The following MYLK variants were observed in gnomAD, a reference collection of about 807,000 sequenced individuals.
MYLK encodes the protein myosin light chain kinase.
MYLK carries 106 observed loss-of-function variants against 203.4 expected under a neutral mutation model. The observed-to-expected ratio is 0.52, with a 90% CI of 0.45 to 0.61. The LOEUF is 0.61. Ranked by LOEUF, MYLK falls within the 20% of genes least tolerant of loss-of-function variation. The pLI is 0.00. For missense variants in MYLK, 2,072 were observed against 2,442.3 expected (o/e 0.85, Z 3.20); for synonymous variants, 867 against 959.5 (o/e 0.90, Z 1.78).
intron 2 of MYLK, among the ~76,000 whole-genome samples, chr3:123,842,653 GTTCAT>G (rs746118934): frequency 3.4e-4 from 52 of 152,258 alleles, no homozygotes; most frequent in South Asian, 8.3e-4. Flanking sequence ...CAACTTGTCT[GTTCAT>G]TTCCTCTGCC....
At chr3:123,744,010 G>A (rs915539773) in intron 5 of MYLK, among the ~76,000 whole-genome samples, 8 of 152,138 alleles carry the variant, frequency 5.3e-5, no homozygotes, top group Non-Finnish European at 1.2e-4. Flanking sequence ...ACTTCAAAGT[G>A]TTTTTTGAGG....
At chr3:123,618,013 A>G (rs1486864804) in intron 33 of MYLK, 1 of 153,946 alleles carries the variant, frequency 6.5e-6, no homozygotes, top group Non-Finnish European at 1.4e-5. Flanking sequence ...GTCACAATGC[A>G]TGCACTCTCT....
intron 3 of MYLK, among the ~76,000 whole-genome samples, chr3:123,826,040 GC>G (rs1387842845): frequency 6.6e-6 from 1 of 152,140 alleles, no homozygotes; most frequent in African/African-American, 2.4e-5. Flanking sequence ...TCCCTGGCCT[GC>G]CTAGTGGCCC....
At chr3:123,747,774 T>C (rs1170329204) in intron 5 of MYLK, among the ~76,000 whole-genome samples, 1 of 152,206 alleles carries the variant, frequency 6.6e-6, no homozygotes, top group Non-Finnish European at 1.5e-5. Flanking sequence ...CTCTGGGGGC[T>C]GCCAGTTTGG....
At chr3:123,711,822 C>A (rs1430452835) in intron 13 of MYLK, among the ~76,000 whole-genome samples, 1 of 152,194 alleles carries the variant, frequency 6.6e-6, no homozygotes, top group Non-Finnish European at 1.5e-5. Context: ...AATACTAGAC[C>A]TTCTTCAGGA....
intron 18 of MYLK, among the ~76,000 whole-genome samples, chr3:123,693,151 C>T (rs528083531): frequency 5.9e-5 from 9 of 152,308 alleles, no homozygotes; most frequent in Admixed American, 3.9e-4. Flanking sequence ...ATAGCCTCTG[C>T]CTTTGGAGAC....
chr3:123,664,307 A>G, intron 22 of MYLK, 49 bp from the exon 23 acceptor site: 1 of 1,613,006 alleles, frequency 6.2e-7, no homozygotes, highest in Non-Finnish European at 8.5e-7. Flanking sequence ...CCCCTGGGCT[A>G]GGAAAGGAAG....
chr3:123,727,155 A>G (rs1418802939), intron 11 of MYLK, among the ~76,000 whole-genome samples: 2 of 152,224 alleles, frequency 1.3e-5, no homozygotes, highest in Non-Finnish European at 2.9e-5. Context: ...TTTTACAGCC[A>G]GCTCTGACTG....
chr3:123,668,572 T>A (rs2059813693), intron 20 of MYLK, among the ~76,000 whole-genome samples: 1 of 152,090 alleles, frequency 6.6e-6, no homozygotes, highest in Admixed American at 6.6e-5. Flanking sequence ...AACCAGATCT[T>A]GACCATGCTG....
chr3:123,784,814 T>C (rs1339071665), intron 4 of MYLK, among the ~76,000 whole-genome samples: 1 of 152,228 alleles, frequency 6.6e-6, no homozygotes, highest in African/African-American at 2.4e-5. Flanking sequence ...GGAGTAGTCC[T>C]ATCTCCCTGA....
rs145669444 is a variant in MYLK, at chr3:123,614,501, A to G, written c.5501-152T>C. The G allele has an allele frequency of 6.3e-4, 499 of 790,526 alleles. 5 individuals carry two copies. In the African/African-American group the frequency reaches 7.5e-3, roughly 12 times the overall value. 49.0% of individuals were successfully genotyped at this position (790,526 alleles called of 1,614,324 possible). The stretch of plus-strand genomic sequence containing the variant: ...CTTTATCGACTGTTTTGATATCTAC[A>G]TTAGAATATGGACATGTCTTGTAAA... On this transcript the variant is annotated intron_variant, in intron 33 of 33. Transcript: ENST00000360304.
At chr3:123,755,001 A>G (rs975952594) in intron 4 of MYLK, among the ~76,000 whole-genome samples, 1 of 152,206 alleles carries the variant, frequency 6.6e-6, no homozygotes, top group African/African-American at 2.4e-5. Flanking sequence ...GGAACATCAG[A>G]CAACAATTAC....
In MYLK at chr3:123,752,334, C is replaced by T; in HGVS notation, c.370G>A (p.Glu124Lys). Residue 124 changes from glutamate (E) to lysine (K), a missense_variant, in exon 5 of 34, where the codon GAA (glutamate) becomes AAA (lysine). Glu to Lys is a moderately conservative substitution (Grantham distance 56, BLOSUM62 1). Transcript: ENST00000360304. ...ARQVTVELTV[E>K]GSFAKQLGQP... ...ACTCGGGCCTCCTGGGACTCACCTT[C>T]TACTGTCAACTCCACTGTCACCTGG... 1 of 1,613,992 alleles carries T rather than the reference C, an allele frequency of 6.2e-7. No individual in the cohort carries two copies. Among genetic ancestry groups the T allele is most frequent in the Non-Finnish European group, 8.5e-7 (1 of 1,180,028 alleles).
At chr3:123,641,295 G>A (rs2108119513) in intron 27 of MYLK, among the ~76,000 whole-genome samples, 1 of 152,346 alleles carries the variant, frequency 6.6e-6, no homozygotes, top group Non-Finnish European at 1.5e-5. Flanking sequence ...CCCACCGCCT[G>A]AGTTGCATGA....
intron 29 of MYLK, among the ~76,000 whole-genome samples, chr3:123,634,328 G>C (rs568729019): frequency 1.3e-5 from 2 of 152,218 alleles, no homozygotes; most frequent in Non-Finnish European, 2.9e-5. Context: ...GCAGCCCCAG[G>C]TGGGGAAGGC....
intron 2 of MYLK, among the ~76,000 whole-genome samples, chr3:123,849,179 T>C (rs35049062): frequency 0.12 from 17,570 of 152,176 alleles, 1,057 homozygotes; most frequent in Middle Eastern, 0.22. Context: ...TGTCGCCATG[T>C]TGCTCAGGCT....
At chr3:123,726,401 G>A (rs982196396) in intron 11 of MYLK, among the ~76,000 whole-genome samples, 5 of 152,052 alleles carry the variant, frequency 3.3e-5, no homozygotes, top group African/African-American at 7.3e-5. Context: ...TGCTGCCCTC[G>A]AGCCTCTGGA....
chr3:123,684,439 A>T (rs796976993), intron 19 of MYLK, among the ~76,000 whole-genome samples: 28 of 152,284 alleles, frequency 1.8e-4, no homozygotes, highest in African/African-American at 6.7e-4. Flanking sequence ...GAGTCAGTCT[A>T]AGCTTCCCTT....
At chr3:123,853,662 G>T (rs1343473156) in intron 2 of MYLK, among the ~76,000 whole-genome samples, 1 of 152,056 alleles carries the variant, frequency 6.6e-6, no homozygotes, top group East Asian at 1.9e-4. Context: ...CGTACCCAAG[G>T]AGCTACAGCT....
Sources: gnomAD v4.1 joint callset for allele counts (sites outside exome capture counted in the v4.1 genomes callset) on GRCh38, gnomAD v4.1.1 for gene constraint, MANE v1.5 for transcripts, NCBI Gene and HGNC (gene_info 2026-07-23, HGNC 2026-07-21) for gene names.